The following IDE variants were observed in gnomAD, a reference collection of about 807,000 sequenced individuals.
The protein encoded by IDE is insulin-degrading enzyme.
Under a neutral mutation model 133.2 loss-of-function variants are expected in IDE, and 58 were observed. The ratio of observed to expected loss-of-function variants is 0.44; its 90% confidence interval spans 0.35 to 0.54. IDE has a LOEUF of 0.54. IDE is among the 20% of genes least tolerant of loss of function. IDE has a pLI of 0.00. For synonymous variants in IDE, 396 were observed against 421.3 expected (o/e 0.94, Z 0.73); for missense variants, 981 against 1,234.0 (o/e 0.79, Z 3.07).
At position 92,566,844 on chromosome 10, in the gene IDE, T is replaced by C. The variant is rs573553901; in HGVS notation, c.98+7078A>G. On this transcript the variant is annotated intron_variant, in intron 1 of 24. Transcript: ENST00000265986. ...CATACAATAAGCATTCAATAAATATTAGCTACTAAATCTTTTATGGTTAAC... is the reference window on the plus strand; with the variant it reads ...CATACAATAAGCATTCAATAAATATCAGCTACTAAATCTTTTATGGTTAAC... 2.0e-5 allele frequency among the ~76,000 whole-genome samples: 3 copies of C among 152,270 alleles called. No homozygotes were observed. In the East Asian group the frequency reaches 5.8e-4, roughly 29 times the overall value.
chr10:92,557,532 A>G (rs1843069755), intron 1 of IDE, among the ~76,000 whole-genome samples: 1 of 152,054 alleles, frequency 6.6e-6, no homozygotes. Context: ...TCCATCTCAA[A>G]AAAAACCATA....
intron 1 of IDE, among the ~76,000 whole-genome samples, chr10:92,552,209 C>T (rs993979658): frequency 1.2e-4 from 18 of 152,090 alleles, no homozygotes; most frequent in African/African-American, 4.1e-4. Context: ...GAACTACATG[C>T]AAATATTGTG....
At chr10:92,535,064 T>C (rs58681266) in intron 2 of IDE, among the ~76,000 whole-genome samples, 9,677 of 152,200 alleles carry the variant, frequency 0.064, 1,064 homozygotes, top group African/African-American at 0.22. Flanking sequence ...AAGAAAGAGC[T>C]GGATTCACAG....
At chr10:92,491,190 A>C (rs1847318920) in intron 11 of IDE, among the ~76,000 whole-genome samples, 1 of 151,870 alleles carries the variant, frequency 6.6e-6, no homozygotes, top group Non-Finnish European at 1.5e-5. Flanking sequence ...GTAGGCTAGA[A>C]TCACACCACT....
At chr10:92,461,680 T>TTTTC (rs1845402090) in intron 21 of IDE, among the ~76,000 whole-genome samples, 1 of 151,822 alleles carries the variant, frequency 6.6e-6, no homozygotes, top group Admixed American at 6.6e-5. Flanking sequence ...TTTTTTTTTT[T>TTTTC]TTGAGATGGA....
At chr10:92,563,175 C>T (rs1285417217) in intron 1 of IDE, among the ~76,000 whole-genome samples, 3 of 151,976 alleles carry the variant, frequency 2.0e-5, no homozygotes, top group Non-Finnish European at 4.4e-5. Context: ...TGCTTGAACC[C>T]GGGACGCGGA....
At chr10:92,562,190 G>A (rs552296748) in intron 1 of IDE, among the ~76,000 whole-genome samples, 1 of 152,240 alleles carries the variant, frequency 6.6e-6, no homozygotes, top group Admixed American at 6.5e-5. Flanking sequence ...AATAACAACT[G>A]CAAAACATAT....
At chr10:92,563,805 T>TA (rs1843394628) in intron 1 of IDE, among the ~76,000 whole-genome samples, 1 of 151,850 alleles carries the variant, frequency 6.6e-6, no homozygotes, top group Non-Finnish European at 1.5e-5. Flanking sequence ...TAAGTTCAAT[T>TA]AAAAAAATCT....
intron 5 of IDE, among the ~76,000 whole-genome samples, chr10:92,514,056 C>T (rs562118322): frequency 7.2e-5 from 11 of 152,122 alleles, no homozygotes; most frequent in East Asian, 1.9e-4. Flanking sequence ...TCTAAATTTT[C>T]GCTAATATGT....
rs1844856232 is a variant in IDE at position 92,453,886 on chromosome 10, T to C, written c.*558A>G. Reference sequence around the variant, plus strand: ...GCATAAAAAACATGTTCAAATTTTATAAAAAGATTAAAACCATGCCTTATA... The same window carrying C: ...GCATAAAAAACATGTTCAAATTTTACAAAAAGATTAAAACCATGCCTTATA... On this transcript the variant is annotated 3_prime_UTR_variant, in exon 25 of 25. Coordinates refer to ENST00000265986, the MANE Select transcript of IDE (RefSeq NM_004969.4). The C allele has an allele frequency of 1.3e-5, 2 of 152,202 alleles. No individual in the cohort carries two copies. Among genetic ancestry groups the C allele is most frequent in the Admixed American group, 6.5e-5 (1 of 15,268 alleles). The allele number at this position is 152,202 out of a possible 1,614,324, so 9.4% of individuals were successfully genotyped here.
At chr10:92,568,176 G>GT (rs1028075440) in intron 1 of IDE, among the ~76,000 whole-genome samples, 1 of 152,172 alleles carries the variant, frequency 6.6e-6, no homozygotes, top group African/African-American at 2.4e-5. Flanking sequence ...ACATTGTTGA[G>GT]TAGGAAGTTT....
At chr10:92,554,605 TGA>T (rs1264073812) in intron 1 of IDE, 1 of 151,554 alleles carries the variant, frequency 6.6e-6, no homozygotes, top group African/African-American at 2.4e-5. Context: ...CCCAACACTT[TGA>T]GAGGCCAAGG....
chr10:92,492,772 A>G (rs1008280939), intron 11 of IDE, among the ~76,000 whole-genome samples: 3 of 152,182 alleles, frequency 2.0e-5, no homozygotes, highest in African/African-American at 4.8e-5. Context: ...GAGAATCCCA[A>G]TCTCTGTTCC....
chr10:92,564,589 G>A (rs1203503544), intron 1 of IDE, among the ~76,000 whole-genome samples: 2 of 141,606 alleles, frequency 1.4e-5, no homozygotes, highest in African/African-American at 5.3e-5. Flanking sequence ...GCAGGAGAAT[G>A]CTTGAACACG....
At chr10:92,535,839 C>A (rs1183401471) in intron 2 of IDE, among the ~76,000 whole-genome samples, 1 of 152,108 alleles carries the variant, frequency 6.6e-6, no homozygotes, top group East Asian at 1.9e-4. Flanking sequence ...AGTTTGAGAT[C>A]AGCCTGGCCT....
intron 1 of IDE, among the ~76,000 whole-genome samples, chr10:92,549,802 A>G (rs1842698979): frequency 6.6e-6 from 1 of 152,134 alleles, no homozygotes; most frequent in African/African-American, 2.4e-5. Flanking sequence ...AAGCTCAGAA[A>G]AGTTATTTGG....
chr10:92,547,056 T>C (rs1842561173), intron 1 of IDE, among the ~76,000 whole-genome samples: 2 of 152,146 alleles, frequency 1.3e-5, no homozygotes, highest in African/African-American at 2.4e-5. Context: ...CAAGGGCAGC[T>C]TAAAGACACC....
Position 92,454,437 on chromosome 10 carries a change from G to C in IDE, c.*7C>G, listed in dbSNP as rs745609637. On this transcript the variant is annotated 3_prime_UTR_variant, in exon 25 of 25. Coordinates refer to ENST00000265986, the MANE Select transcript of IDE (RefSeq NM_004969.4). ...TCCACTTGCACTTTCCCATGCATGG[G>C]GAATCTTCAGAGTTTTGCAGCCATG... 1 of 1,592,252 alleles carries C rather than the reference G, an allele frequency of 6.3e-7. No individual in the cohort carries two copies.
chr10:92,515,560 CTT>C (rs770666032), intron 4 of IDE, among the ~76,000 whole-genome samples: 22 of 106,716 alleles, frequency 2.1e-4, no homozygotes, highest in East Asian at 9.5e-4. Flanking sequence ...CGCACCCGGC[CTT>C]TTTTTTTTTT....
Sources: gnomAD v4.1 joint callset for allele counts (sites outside exome capture counted in the v4.1 genomes callset) on GRCh38, gnomAD v4.1.1 for gene constraint, MANE v1.5 for transcripts, NCBI Gene and HGNC (gene_info 2026-07-23, HGNC 2026-07-21) for gene names.